Variants in KCNIP4 observed in about 807,000 individuals in gnomAD.
The protein encoded by KCNIP4 is potassium voltage-gated channel interacting protein 4.
In KCNIP4, 12 loss-of-function variants were observed where a neutral mutation model predicts 34.0. That is an observed-to-expected ratio of 0.35 (90% CI 0.23 to 0.57). The LOEUF (loss-of-function observed/expected upper bound fraction) is 0.57, where lower values mean the gene tolerates loss of function less well. KCNIP4 is among the 20% of genes least tolerant of loss of function. KCNIP4 has a pLI of 0.83. For synonymous variants in KCNIP4, 124 were observed against 102.2 expected, an observed-to-expected ratio of 1.21 and a Z score of -1.29; for missense variants, 238 against 311.7, an observed-to-expected ratio of 0.76 and a Z score of 1.78.
chr4:21,533,656 C>A (rs1311595030), intron 1 of KCNIP4, among the ~76,000 whole-genome samples: 1 of 152,026 alleles, frequency 6.6e-6, no homozygotes, highest in Non-Finnish European at 1.5e-5. Context: ...CAGAAAAAAA[C>A]TTTTAATAGT....
chr4:21,920,583 A>G (rs2108994744), intron 1 of KCNIP4, among the ~76,000 whole-genome samples: 1 of 152,252 alleles, frequency 6.6e-6, no homozygotes, highest in South Asian at 2.1e-4. Context: ...TATCCATGTA[A>G]CCAAAAATCA....
intron 1 of KCNIP4, among the ~76,000 whole-genome samples, chr4:21,683,423 C>T (rs1467334544): frequency 7.3e-6 from 1 of 136,550 alleles, no homozygotes; most frequent in Non-Finnish European, 1.5e-5. Flanking sequence ...CGAGATCATA[C>T]GACTAATGAT....
intron 1 of KCNIP4, among the ~76,000 whole-genome samples, chr4:21,519,605 CAT>C (rs1436554127): frequency 1.1e-5 from 1 of 88,470 alleles, no homozygotes; most frequent in Admixed American, 1.2e-4. Context: ...TATATATACA[CAT>C]ATGTGTGTGT....
intron 1 of KCNIP4, among the ~76,000 whole-genome samples, chr4:21,174,221 G>A (rs1368859227): frequency 2.6e-5 from 4 of 152,146 alleles, no homozygotes; most frequent in Non-Finnish European, 2.9e-5. Context: ...CAGTTTTCCG[G>A]AAAAGGTGAC....
intron 1 of KCNIP4, among the ~76,000 whole-genome samples, chr4:21,803,725 G>A (rs1477161487): frequency 6.6e-6 from 1 of 152,076 alleles, no homozygotes; most frequent in Non-Finnish European, 1.5e-5. Flanking sequence ...CTTCCCCAGT[G>A]AAGCTTCCAG....
At chr4:21,442,083 A>G (rs1291958953) in intron 1 of KCNIP4, among the ~76,000 whole-genome samples, 2 of 152,138 alleles carry the variant, frequency 1.3e-5, no homozygotes, top group African/African-American at 2.4e-5. Context: ...TTAGTTTTCA[A>G]AATGTATTCT....
intron 1 of KCNIP4, 129 bp from the exon 2 acceptor site, chr4:20,882,838 G>A: frequency 1.7e-6 from 1 of 604,530 alleles, no homozygotes; most frequent in East Asian, 2.8e-5. Context: ...ATCACAGGCA[G>A]TGGGTTGGGA....
At chr4:20,850,517 G>A (rs759553061) in intron 3 of KCNIP4, 26 bp downstream of exon 3, 1 of 1,608,836 alleles carries the variant, frequency 6.2e-7, no homozygotes, top group Admixed American at 1.7e-5. Flanking sequence ...ATTGTGTGAA[G>A]GTAAAGTCAA....
chr4:21,370,181 T>G (rs1720198023), intron 1 of KCNIP4, among the ~76,000 whole-genome samples: 1 of 147,450 alleles, frequency 6.8e-6, no homozygotes, highest in South Asian at 2.1e-4. Context: ...TAAGCTACAT[T>G]TTAAAAGATT....
intron 1 of KCNIP4, among the ~76,000 whole-genome samples, chr4:21,826,407 C>A (rs1722678337): frequency 6.6e-6 from 1 of 152,010 alleles, no homozygotes; most frequent in South Asian, 2.1e-4. Flanking sequence ...CTTCTAAAAC[C>A]CTTTAAATAT....
intron 1 of KCNIP4, among the ~76,000 whole-genome samples, chr4:21,079,626 C>A (rs1745823247): frequency 6.6e-6 from 1 of 151,518 alleles, no homozygotes; most frequent in Non-Finnish European, 1.5e-5. Flanking sequence ...AAGTCCCAGA[C>A]CCTGTGAATA....
intron 1 of KCNIP4, among the ~76,000 whole-genome samples, chr4:21,593,119 T>TGTTTGTGTG (rs1553908529): frequency 1.5e-5 from 2 of 134,872 alleles, no homozygotes; most frequent in South Asian, 2.5e-4. Flanking sequence ...GTGTGTGTGT[T>TGTTTGTGTG]TGTGTGTGTG....
chr4:21,099,091 C>A (rs1296521457), intron 1 of KCNIP4, among the ~76,000 whole-genome samples: 1 of 152,168 alleles, frequency 6.6e-6, no homozygotes, highest in African/African-American at 2.4e-5. Flanking sequence ...GCAGAAATAT[C>A]ATTTGACTCA....
chr4:21,264,348 C>A (rs2109113776), intron 1 of KCNIP4, among the ~76,000 whole-genome samples: 1 of 152,182 alleles, frequency 6.6e-6, no homozygotes, highest in Non-Finnish European at 1.5e-5. Flanking sequence ...CAAGTATGCA[C>A]TTGATACAAG....
intron 1 of KCNIP4, among the ~76,000 whole-genome samples, chr4:21,831,154 T>C (rs1722964689): frequency 6.6e-6 from 1 of 152,054 alleles, no homozygotes; most frequent in Admixed American, 6.5e-5. Context: ...GATGCTGCAA[T>C]AGCAGTTCTA....
In KCNIP4 at chr4:21,370,338, T is replaced by C. The variant is rs73802591; in HGVS notation, c.62-487629A>G. Among the ~76,000 whole-genome samples the C allele has an allele frequency of 9.8e-3, 1,431 of 146,622 alleles. 263 individuals carry two copies. Among genetic ancestry groups the C allele is most frequent in the African/African-American group, 0.038 (1,368 of 36,458 alleles). On this transcript the variant is annotated intron_variant, in intron 1 of 8. Transcript: ENST00000382152. ...TCATTCAAAAATTGTTTATTGAGGG[T>C]CCATTACATGTCAGGGATCTTTCCT... is the stretch of plus-strand genomic sequence containing the variant.
intron 1 of KCNIP4, chr4:21,304,030 TGAGAGA>T (rs770366497): frequency 0.033 from 9,481 of 288,322 alleles, 442 homozygotes; most frequent in Admixed American, 0.098. Context: ...GGAGAGCGTA[TGAGAGA>T]GAGAGAGAGA....
chr4:21,827,382 T>G (rs1251219691), intron 1 of KCNIP4, among the ~76,000 whole-genome samples: 1 of 152,018 alleles, frequency 6.6e-6, no homozygotes, highest in Non-Finnish European at 1.5e-5. Context: ...AAAAAATACT[T>G]CTTGAGAAAT....
chr4:21,519,509 T>TGTATATGTATGTGC (rs1560479815), intron 1 of KCNIP4, among the ~76,000 whole-genome samples: 1 of 35,502 alleles, frequency 2.8e-5, no homozygotes. Context: ...TGTGTATGTG[T>TGTATATGTATGTGC]ATATACACAT....
Sources: gnomAD v4.1 joint callset for allele counts (sites outside exome capture counted in the v4.1 genomes callset) on GRCh38, gnomAD v4.1.1 for gene constraint, MANE v1.5 for transcripts, NCBI Gene and HGNC (gene_info 2026-07-23, HGNC 2026-07-21) for gene names.